The following ATAD3A variants were observed in gnomAD, a reference collection of about 807,000 sequenced individuals.
ATAD3A encodes the protein ATPase family AAA domain containing 3A, also known as ATPase family AAA domain-containing protein 3A.
ATAD3A carries 46 observed loss-of-function variants against 73.8 expected under a neutral mutation model. That is an observed-to-expected ratio of 0.62 (90% CI 0.49 to 0.80). The LOEUF (loss-of-function observed/expected upper bound fraction) is 0.80. ATAD3A is among the 30% of genes least tolerant of loss of function. The probability of loss-of-function intolerance (pLI) is 0.00; values close to 1 mark genes in which losing one functional copy is unlikely to be tolerated. For missense variants in ATAD3A, 705 were observed against 838.0 expected, an observed-to-expected ratio of 0.84 and a Z score of 1.96; for synonymous variants, 319 against 350.0, an observed-to-expected ratio of 0.91 and a Z score of 0.99.
intron 2 of ATAD3A, among the ~76,000 whole-genome samples, chr1:1,516,317 C>T (rs1203929360): frequency 1.3e-5 from 2 of 151,820 alleles, no homozygotes; most frequent in South Asian, 4.2e-4. Context: ...GGCGTCTGGT[C>T]GTCCGGAGGG....
chr1:1,514,763 TAAA>T (rs1641301754), intron 1 of ATAD3A, among the ~76,000 whole-genome samples: 2 of 152,172 alleles, frequency 1.3e-5, no homozygotes, highest in African/African-American at 4.8e-5. Context: ...TCTGAAGGCT[TAAA>T]AAAGTGAGAC....
intron 12 of ATAD3A, 58 bp from the exon 13 acceptor site, chr1:1,526,403 T>G: frequency 6.4e-7 from 1 of 1,556,004 alleles, no homozygotes; most frequent in Non-Finnish European, 8.7e-7. Flanking sequence ...GACTTTCTGC[T>G]GTGGCTGTTT....
intron 1 of ATAD3A, among the ~76,000 whole-genome samples, chr1:1,515,112 C>G (rs1384720149): frequency 6.6e-6 from 1 of 152,170 alleles, no homozygotes; most frequent in Admixed American, 6.5e-5. Flanking sequence ...TTTTAAGTCT[C>G]TCTCTGTCTA....
At chr1:1,521,690 C>T (rs1209211474) in intron 7 of ATAD3A, among the ~76,000 whole-genome samples, 3 of 152,184 alleles carry the variant, frequency 2.0e-5, no homozygotes, top group Admixed American at 6.5e-5. Context: ...CTGCTTAATG[C>T]GCCGATGACT....
intron 7 of ATAD3A, among the ~76,000 whole-genome samples, chr1:1,521,245 G>A (rs1362022124): frequency 1.5e-5 from 2 of 131,334 alleles, no homozygotes; most frequent in Non-Finnish European, 3.1e-5. Flanking sequence ...CTTGCAGTGA[G>A]TCGAGATCAC....
chr1:1,526,313 C>T, intron 12 of ATAD3A, 148 bp from the exon 13 acceptor site: 2 of 1,507,046 alleles, frequency 1.3e-6, no homozygotes, highest in Non-Finnish European at 8.9e-7. Flanking sequence ...GCCACCGCCC[C>T]TGGCCCTGGT....
At position 1,534,126 on chromosome 1, in the gene ATAD3A, C is replaced by A. The variant is rs1642139470; in HGVS notation, c.*54C>A. On this transcript the variant is annotated 3_prime_UTR_variant, in exon 16 of 16. Coordinates refer to ENST00000378756, the MANE Select transcript of ATAD3A (RefSeq NM_001170535.3). The stretch of plus-strand genomic sequence containing the variant: ...GCCTGGCCGCGGACCCCTCCCACCC[C>A]TGCCTTGCCGGCCCCTGCACATTTA... The A allele has an allele frequency of 1.8e-5, 29 of 1,612,416 alleles. No individual in the cohort carries two copies. Among genetic ancestry groups the A allele is most frequent in the Non-Finnish European group, 2.5e-5 (29 of 1,179,488 alleles).
intron 4 of ATAD3A, among the ~76,000 whole-genome samples, chr1:1,518,195 C>T (rs1641434467): frequency 6.6e-6 from 1 of 151,238 alleles, no homozygotes; most frequent in African/African-American, 2.4e-5. Flanking sequence ...GACACTCACA[C>T]CTGTAAACAC....
chr1:1,525,412 G>GA, intron 12 of ATAD3A, 121 bp downstream of exon 12: 2 of 998,644 alleles, frequency 2.0e-6, no homozygotes, highest in Non-Finnish European at 2.9e-6. Flanking sequence ...GTGAAAAACA[G>GA]CTTTTTTTTT....
In ATAD3A at chr1:1,534,260, C is replaced by T; in HGVS notation, c.*188C>T. 1 of 1,474,642 alleles carries T rather than the reference C, an allele frequency of 6.8e-7. No homozygotes were observed. The allele number at this position is 1,474,642 out of a possible 1,614,324, so 91.3% of individuals were successfully genotyped here. A position where few individuals can be genotyped will look rare whatever the true frequency, so the allele number is the denominator to read the frequency against. Reference sequence around the variant, plus strand: ...CCCCCAGGGCACCCCCTGTTGTAGGCACTGGCTAGGGAGGGGCAGGCCTCC... The same window carrying T: ...CCCCCAGGGCACCCCCTGTTGTAGGTACTGGCTAGGGAGGGGCAGGCCTCC... On this transcript the variant is annotated 3_prime_UTR_variant, in exon 16 of 16. Coordinates refer to ENST00000378756, the MANE Select transcript of ATAD3A (RefSeq NM_001170535.3).
At chr1:1,521,564 G>A (rs1176733274) in intron 7 of ATAD3A, among the ~76,000 whole-genome samples, 2 of 152,224 alleles carry the variant, frequency 1.3e-5, no homozygotes, top group East Asian at 3.9e-4. Flanking sequence ...CGTGGTGCCG[G>A]CGCCCAGAGC....
rs144033942 is a variant in ATAD3A, at chr1:1,533,950, G to C, written c.1639G>C (p.Gly547Arg). The part of the protein sequence containing the change: ...WQATAYASED[G>R]VLTEAMMDTR... ...GGCCACGGCGTATGCCTCCGAGGAC[G>C]GGGTCCTGACCGAGGCCATGATGGA... is the stretch of plus-strand genomic sequence containing the variant. Residue 547 changes from glycine (G) to arginine (R), a missense_variant, in exon 16 of 16, where the codon GGG becomes CGG. Around this residue, in one of 5 missense-constraint regions of ATAD3A, gnomAD observed 252 missense variants for 278.5 expected, o/e 0.90. Transcript: ENST00000378756. 21 of 1,613,088 alleles carry C rather than the reference G, an allele frequency of 1.3e-5. No individual in the cohort carries two copies. The highest frequency in any genetic ancestry group is 1.8e-5 in the Non-Finnish European group (21 of 1,179,926).
chr1:1,518,967 AG>A lies in ATAD3A; in HGVS notation c.492del (p.Lys165SerfsTer49). 6.2e-7 allele frequency: 1 copy of A among 1,614,138 alleles called. No homozygotes were observed. Among genetic ancestry groups the A allele is most frequent in the Non-Finnish European group, 8.5e-7 (1 of 1,179,970 alleles). ...TTACGGAAGCAGGAGGAGTCCGTGC[AG>A]AAGCAGGAAGCCATGCGGCGAGGTA... ...ENLRKQEESV[Q>X]KQEAMRRATV... On this transcript the variant is annotated frameshift_variant, in exon 5 of 16. Coordinates refer to ENST00000378756, the MANE Select transcript of ATAD3A (RefSeq NM_001170535.3). LOFTEE classifies it high-confidence loss of function.
chr1:1,523,698 G>C lies in ATAD3A; in HGVS notation c.963+131G>C, dbSNP rs1157986191. The C allele has an allele frequency of 2.5e-6, 4 of 1,588,164 alleles. No homozygotes were observed. In the African/African-American group the frequency reaches 4.0e-5, roughly 16 times the overall value. On this transcript the variant is annotated intron_variant, in intron 9 of 15. Transcript: ENST00000378756. This position sits in a 1 kb window ranked among gnomAD's most constrained non-coding sequence, Gnocchi z 5.1. ...GTCCTGAGATGCGACTGCTTGGACC[G>C]TGCTGGGGATAGATAGGCTGCCCCT...
chr1:1,532,357 G>T (rs767221914), intron 15 of ATAD3A, among the ~76,000 whole-genome samples: 6 of 152,186 alleles, frequency 3.9e-5, no homozygotes, highest in Non-Finnish European at 5.9e-5. Context: ...GAGTGATACT[G>T]ATTCTTCTTA....
chr1:1,516,495 C>T (rs371215622), intron 2 of ATAD3A, among the ~76,000 whole-genome samples: 1 of 152,164 alleles, frequency 6.6e-6, no homozygotes, highest in Non-Finnish European at 1.5e-5. Flanking sequence ...CTCACTGCAA[C>T]CTCCGCTCCT....
Position 1,533,907 on chromosome 1 carries a change from C to T in ATAD3A, c.1615-19C>T. ...GGGTTCCCATGGCGGCCTCCCTCAG[C>T]TGCCTCTCTCCCCACTAGGCCACGG... On this transcript the variant is annotated intron_variant, in intron 15 of 15. Transcript: ENST00000378756. The T allele has an allele frequency of 6.2e-7, 1 of 1,609,718 alleles. No individual in the cohort carries two copies. Among genetic ancestry groups the T allele is most frequent in the Non-Finnish European group, 8.5e-7 (1 of 1,178,178 alleles).
At position 1,520,404 on chromosome 1, in the gene ATAD3A, C is replaced by T. The variant is rs892844664; in HGVS notation, c.680+98C>T. On this transcript the variant is annotated intron_variant, in intron 6 of 15. Coordinates refer to ENST00000378756, the MANE Select transcript of ATAD3A (RefSeq NM_001170535.3). The surrounding 1 kb of genome is among the most constrained non-coding windows in gnomAD (Gnocchi z 4.0). ...CTCCAGCTCTTCCAGGCCTTGCCGC[C>T]GTAGGCTGACTCCTTGGTGGGGGCA... is the stretch of plus-strand genomic sequence containing the variant. 5.7e-6 allele frequency: 9 copies of T among 1,592,304 alleles called. No individual in the cohort carries two copies. The highest frequency in any genetic ancestry group is 1.7e-5 in the Admixed American group (1 of 59,004).
At chr1:1,514,020 C>T (rs1395098342) in intron 1 of ATAD3A, among the ~76,000 whole-genome samples, 1 of 152,052 alleles carries the variant, frequency 6.6e-6, no homozygotes, top group Non-Finnish European at 1.5e-5. Context: ...GCTCGCCCTG[C>T]ACTCCACAGA....
Sources: gnomAD v4.1 joint callset for allele counts (sites outside exome capture counted in the v4.1 genomes callset) on GRCh38, gnomAD v4.1.1 for gene constraint, gnomAD v4.1.1 regional missense constraint, Gnocchi (gnomAD v3.1) non-coding constraint, MANE v1.5 for transcripts, NCBI Gene and HGNC (gene_info 2026-07-23, HGNC 2026-07-21) for gene names.